Variants in TRMT11 observed in about 807,000 individuals in gnomAD.
TRMT11 encodes the protein tRNA methyltransferase 11.
Under a neutral mutation model 62.8 loss-of-function variants are expected in TRMT11, and 53 were observed. The observed-to-expected ratio is 0.84, with a 90% confidence interval of 0.68 to 1.06. The LOEUF (loss-of-function observed/expected upper bound fraction) is 1.06, where lower values mean the gene tolerates loss of function less well. Ranked by LOEUF, TRMT11 falls within the 50% of genes least tolerant of loss-of-function variation. The pLI, the probability that TRMT11 is intolerant of heterozygous loss-of-function variation, is 0.00. For missense variants in TRMT11, 556 were observed against 553.4 expected, an observed-to-expected ratio of 1.00 and a Z score of -0.05; for synonymous variants, 188 against 190.3, an observed-to-expected ratio of 0.99 and a Z score of 0.10.
intron 17 of TRMT11, among the ~76,000 whole-genome samples, chr6:126,104,463 C>T (rs1485934545): frequency 3.3e-5 from 5 of 152,158 alleles, no homozygotes; most frequent in Non-Finnish European, 7.3e-5. Context: ...GGTTGAGCCA[C>T]AGCTGTGAAG....
At chr6:126,160,670 T>C (rs1191425898) in intron 21 of TRMT11, among the ~76,000 whole-genome samples, 5 of 152,122 alleles carry the variant, frequency 3.3e-5, no homozygotes, top group Admixed American at 3.3e-4. Context: ...TACTTCCTTT[T>C]CTCTTGACCC....
intron 12 of TRMT11, among the ~76,000 whole-genome samples, chr6:126,025,902 A>G (rs1407795692): frequency 6.6e-6 from 1 of 152,204 alleles, no homozygotes. Context: ...TTAAAAGTGT[A>G]AATGTAAGTT....
Position 126,101,432 on chromosome 6 carries a change from G to A in TRMT11, c.*1438-11434G>A, listed in dbSNP as rs577104693. ...TTAATCAGAATCACAACTACCCAAT[G>A]CAGTAAAGCATCAGGTGTATCTGTT... On this transcript the variant is annotated intron_variant and NMD_transcript_variant, in intron 17 of 22. Coordinates refer to the TRMT11 transcript ENST00000648977. Among the ~76,000 whole-genome samples, 16 of 152,204 alleles carry A rather than the reference G, an allele frequency of 1.1e-4. No individual in the cohort carries two copies. In the South Asian group the frequency reaches 2.1e-3, roughly 20 times the overall value.
intron 21 of TRMT11, among the ~76,000 whole-genome samples, chr6:126,119,434 C>T (rs943113367): frequency 6.6e-6 from 1 of 150,606 alleles, no homozygotes; most frequent in African/African-American, 2.5e-5. Context: ...GTCCTGATGC[C>T]TTAGTGTGCA....
chr6:126,198,463 A>C (rs933195790), intron 1 of TRMT11, among the ~76,000 whole-genome samples: 1 of 152,180 alleles, frequency 6.6e-6, no homozygotes, highest in African/African-American at 2.4e-5. Context: ...TCTTATTTTC[A>C]GATAAATCTT....
At chr6:126,211,761 C>G in the TRMT11 span, among the ~76,000 whole-genome samples, 171 of 152,078 alleles carry the variant, frequency 1.1e-3, no homozygotes, top group Non-Finnish European at 1.8e-3. Context: ...CCACTTCAAG[C>G]GTTTATCCTT....
chr6:126,020,859 C>A (rs756216882), intron 11 of TRMT11, among the ~76,000 whole-genome samples: 10 of 152,136 alleles, frequency 6.6e-5, no homozygotes, highest in Non-Finnish European at 1.2e-4. Context: ...TTGTGGAATT[C>A]TGTAGGGTGG....
chr6:126,200,385 A>T (rs1248444557), intron 3 of TRMT11, among the ~76,000 whole-genome samples: 2 of 152,204 alleles, frequency 1.3e-5, no homozygotes, highest in Non-Finnish European at 2.9e-5. Context: ...CCTACTTCTC[A>T]TCTAGAAAAT....
chr6:126,115,364 A>G (rs554062740), exon 20 of TRMT11, among the ~76,000 whole-genome samples: 37 of 152,242 alleles, frequency 2.4e-4, no homozygotes, highest in African/African-American at 7.9e-4. Context: ...CAAACCAATG[A>G]AGTCAGAATC....
intron 17 of TRMT11, among the ~76,000 whole-genome samples, chr6:126,086,533 C>T (rs1245115306): frequency 6.6e-6 from 1 of 152,142 alleles, no homozygotes; most frequent in East Asian, 1.9e-4. Context: ...CATTATTTCT[C>T]AAGCAGATTG....
chr6:126,258,851 G>C, the TRMT11 span, among the ~76,000 whole-genome samples: 1 of 151,876 alleles, frequency 6.6e-6, no homozygotes, highest in Non-Finnish European at 1.5e-5. Context: ...TTAAGTTCAG[G>C]AGTACACGTG....
rs1293276048 is a variant in TRMT11 at position 126,095,161 on chromosome 6, AC to A, written c.*1438-17703del. Among the ~76,000 whole-genome samples, 4 of 152,318 alleles carry A rather than the reference AC, an allele frequency of 2.6e-5. No individual in the cohort carries two copies. In the East Asian group the frequency reaches 7.7e-4, roughly 29 times the overall value. On this transcript the variant is annotated intron_variant and NMD_transcript_variant, in intron 17 of 22. Transcript: ENST00000648977. Reference sequence around the variant, plus strand: ...GACAACATACTTGAGATGGCTGGATACCAGGAATGTTTGGAAATGGATACTA... The same window carrying A: ...GACAACATACTTGAGATGGCTGGATACAGGAATGTTTGGAAATGGATACTA...
intron 12 of TRMT11, among the ~76,000 whole-genome samples, chr6:126,023,408 G>T (rs542097879): frequency 6.6e-6 from 1 of 152,264 alleles, no homozygotes; most frequent in Non-Finnish European, 1.5e-5. Flanking sequence ...CCAGCACTTT[G>T]GGAGGCCGAG....
chr6:126,151,824 T>TTAGTTTCCTTTCTTTCTTTCTTTC (rs1778048469), intron 21 of TRMT11, among the ~76,000 whole-genome samples: 1 of 135,762 alleles, frequency 7.4e-6, no homozygotes, highest in Non-Finnish European at 1.6e-5. Flanking sequence ...CTTTCTTTCT[T>TTAGTTTCCTTTCTTTCTTTCTTTC]TCTTTCTTTC....
At chr6:126,139,639 G>T (rs1006815028) in intron 21 of TRMT11, among the ~76,000 whole-genome samples, 15 of 152,194 alleles carry the variant, frequency 9.9e-5, no homozygotes, top group African/African-American at 3.6e-4. Context: ...AAAGTGCTGG[G>T]ATTACAGGTG....
chr6:126,063,812 G>C (rs1162797924), intron 17 of TRMT11, among the ~76,000 whole-genome samples: 1 of 152,222 alleles, frequency 6.6e-6, no homozygotes, highest in African/African-American at 2.4e-5. Context: ...AGCTTTTACA[G>C]CCCAGGGTAG....
At chr6:126,131,081 T>A (rs945268051) in intron 21 of TRMT11, among the ~76,000 whole-genome samples, 2 of 152,080 alleles carry the variant, frequency 1.3e-5, no homozygotes, top group Non-Finnish European at 2.9e-5. Context: ...TTGGCAGACA[T>A]AGACAAACAC....
At chr6:126,254,699 AT>A in the TRMT11 span, among the ~76,000 whole-genome samples, 2 of 152,080 alleles carry the variant, frequency 1.3e-5, no homozygotes, top group African/African-American at 4.8e-5. Flanking sequence ...CTTTGGTGTC[AT>A]GCTGGCTTTT....
intron 12 of TRMT11, among the ~76,000 whole-genome samples, chr6:126,035,344 G>A (rs1774993459): frequency 6.6e-6 from 1 of 152,062 alleles, no homozygotes; most frequent in African/African-American, 2.4e-5. Flanking sequence ...TAATAGACTG[G>A]CGCCTGCCAG....
Sources: allele counts gnomAD v4.1 joint callset (sites outside exome capture counted in the v4.1 genomes callset), GRCh38; gene constraint gnomAD v4.1.1; transcripts MANE v1.5; gene names NCBI Gene and HGNC (gene_info 2026-07-23, HGNC 2026-07-21).